Variants in CEACAM6 observed in about 807,000 individuals in gnomAD.
The protein encoded by CEACAM6 is CEA cell adhesion molecule 6, also known as cell adhesion molecule CEACAM6.
CEACAM6 carries 21 observed loss-of-function variants against 32.4 expected under a neutral mutation model. The ratio of observed to expected loss-of-function variants is 0.65; its 90% CI spans 0.46 to 0.93. The LOEUF is 0.93. Ranked by LOEUF, CEACAM6 falls within the 40% of genes least tolerant of loss-of-function variation. The probability of loss-of-function intolerance (pLI) is 0.00; values close to 1 mark genes in which losing one functional copy is unlikely to be tolerated. For missense variants in CEACAM6, 406 were observed against 432.2 expected (o/e 0.94, Z 0.54); for synonymous variants, 184 against 174.4 (o/e 1.06, Z -0.43).
At chr19:41,757,668 A>C (rs1267251815) in intron 2 of CEACAM6, among the ~76,000 whole-genome samples, 2 of 152,178 alleles carry the variant, frequency 1.3e-5, no homozygotes, top group Non-Finnish European at 2.9e-5. Context: ...GGAACAGAGA[A>C]GAGAGGATGC....
At chr19:41,761,919 T>A (rs575373507) in intron 3 of CEACAM6, 50 bp from the exon 4 acceptor site, 11 of 1,603,828 alleles carry the variant, frequency 6.9e-6, no homozygotes, top group Admixed American at 6.7e-5. Context: ...ACCAGGAACT[T>A]ATGCTTCCCT....
chr19:41,760,612 T>C (rs932297417), intron 2 of CEACAM6, among the ~76,000 whole-genome samples: 9 of 152,178 alleles, frequency 5.9e-5, no homozygotes, highest in Non-Finnish European at 1.3e-4. Flanking sequence ...TATCTGTAGG[T>C]GTCACAGGCT....
rs782253878 is a variant in CEACAM6 at position 41,762,014 on chromosome 19, G to T, written c.749G>T (p.Arg250Leu). The T allele has an allele frequency of 5.6e-6, 9 of 1,614,106 alleles. No homozygotes were observed. Among genetic ancestry groups the T allele is most frequent in the Middle Eastern group, 1.6e-4 (1 of 6,062 alleles). The change falls in exon 4 of 6, where the codon CGT becomes CTT. Residue 250 changes from arginine to leucine, a missense_variant. Transcript: ENST00000199764. ...ATTTCCCCCTCAAAGGCCAATTACC[G>T]TCCAGGGGAAAATCTGAACCTCTCC... ...PTISPSKANY[R>L]PGENLNLSCH...
chr19:41,755,844 G>GAAA, intron 1 of CEACAM6, 142 bp downstream of exon 1: 2 of 570,356 alleles, frequency 3.5e-6, no homozygotes, highest in South Asian at 5.4e-5. Flanking sequence ...GAGGGACAGG[G>GAAA]GTCACAACAG....
intron 4 of CEACAM6, among the ~76,000 whole-genome samples, chr19:41,762,749 C>T (rs1372002803): frequency 6.6e-6 from 1 of 152,284 alleles, no homozygotes; most frequent in Admixed American, 6.5e-5. Flanking sequence ...GACTGACTGA[C>T]CCCACCCTGA....
chr19:41,761,541 GT>G lies in CEACAM6; in HGVS notation c.703+16del, dbSNP rs2072924406. ...TGAATGTCCTCTGTGAGTATCTTCT[GT>G]TCCTCTGTGGCCCAGGCTGCCAGCC... On this transcript the variant is annotated intron_variant, in intron 3 of 5. Transcript: ENST00000199764. 1 of 1,612,506 alleles carries G rather than the reference GT, an allele frequency of 6.2e-7. No individual in the cohort carries two copies. The highest frequency in any genetic ancestry group is 1.3e-5 in the African/African-American group (1 of 74,878).
At chr19:41,755,743 C>G in intron 1 of CEACAM6, 41 bp downstream of exon 1, 1 of 1,539,816 alleles carries the variant, frequency 6.5e-7, no homozygotes, top group Non-Finnish European at 8.8e-7. Flanking sequence ...GAGGAGGGAG[C>G]ACAGAGACTG....
intron 5 of CEACAM6, among the ~76,000 whole-genome samples, chr19:41,769,353 T>G (rs2072978288): frequency 6.6e-6 from 1 of 152,212 alleles, no homozygotes. Context: ...CATGTACTCT[T>G]GAATACAAGT....
At chr19:41,756,474 A>G (rs2072885828) in intron 1 of CEACAM6, 126 bp from the exon 2 acceptor site, 1 of 1,387,102 alleles carries the variant, frequency 7.2e-7, no homozygotes, top group Non-Finnish European at 9.5e-7. Flanking sequence ...ACACACACAC[A>G]CACACACACA....
chr19:41,760,868 G>A (rs2072918507), intron 2 of CEACAM6, among the ~76,000 whole-genome samples: 1 of 152,218 alleles, frequency 6.6e-6, no homozygotes. Context: ...GGGGGGCAAA[G>A]TAGGACTAAA....
intron 4 of CEACAM6, 88 bp downstream of exon 4, chr19:41,762,311 C>T: frequency 1.3e-6 from 2 of 1,512,898 alleles, no homozygotes; most frequent in Non-Finnish European, 1.8e-6. Flanking sequence ...TCTTTCCCAA[C>T]CTGTGTCCAA....
rs1169150738 is a variant in CEACAM6, at chr19:41,771,494, G to C, written c.*733G>C. On this transcript the variant is annotated 3_prime_UTR_variant, in exon 6 of 6. Coordinates refer to ENST00000199764, the MANE Select transcript of CEACAM6 (RefSeq NM_002483.7). ...TGGGTATCGCTGAGACTAAGTTGTA[G>C]AAATTAACAAATGTGCTGCTTGGTT... 4.6e-5 allele frequency: 7 copies of C among 152,218 alleles called. No homozygotes were observed. Among genetic ancestry groups the C allele is most frequent in the Non-Finnish European group, 1.0e-4 (7 of 68,032 alleles). The allele number at this position is 152,218 out of a possible 1,614,324, so 9.4% of individuals were successfully genotyped here. A position where few individuals can be genotyped will look rare whatever the true frequency, so the allele number is the denominator to read the frequency against.
chr19:41,766,848 T>A (rs1257938011), intron 5 of CEACAM6, among the ~76,000 whole-genome samples: 1 of 151,468 alleles, frequency 6.6e-6, no homozygotes, highest in Non-Finnish European at 1.5e-5. Context: ...CTAGTAAAAA[T>A]ACAAAAAATT....
At position 41,762,033 on chromosome 19, in the gene CEACAM6, C is replaced by T. The variant is rs1031248313; in HGVS notation, c.768C>T (p.Asn256=). ...KANYRPGENL[N]LSCHAASNPP... ...ATTACCGTCCAGGGGAAAATCTGAA[C>T]CTCTCCTGCCACGCAGCCTCTAACC... is the stretch of plus-strand genomic sequence containing the variant. The change falls in exon 4 of 6, where the codon AAC becomes AAT. Residue 256 remains asparagine (N), a synonymous_variant. Coordinates refer to ENST00000199764, the MANE Select transcript of CEACAM6 (RefSeq NM_002483.7). 1.9e-6 allele frequency: 3 copies of T among 1,614,086 alleles called. No homozygotes were observed. Among genetic ancestry groups the T allele is most frequent in the Admixed American group, 1.7e-5 (1 of 60,006 alleles).
In CEACAM6 at chr19:41,759,563, C is replaced by G. The variant is rs184995904; in HGVS notation, c.425-1686C>G. ...CTCCTAAGAGGACTCATATGCCTCT[C>G]TCTACTCAAGGAGTTGCTAATTTCA... is the stretch of plus-strand genomic sequence containing the variant. On this transcript the variant is annotated intron_variant, in intron 2 of 5. Transcript: ENST00000199764. Among the ~76,000 whole-genome samples, 202 of 152,332 alleles carry G rather than the reference C, an allele frequency of 1.3e-3. 5 individuals are homozygous for G. Among genetic ancestry groups the G allele is most frequent in the Middle Eastern group, 3.4e-3 (1 of 294 alleles).
intron 4 of CEACAM6, among the ~76,000 whole-genome samples, 154 bp downstream of exon 4, chr19:41,762,377 A>G (rs142969161): frequency 1.6e-3 from 238 of 150,066 alleles, no homozygotes; most frequent in Non-Finnish European, 2.6e-3. Flanking sequence ...ACCTCTGCAG[A>G]CTCTTTTCCC....
chr19:41,766,075 G>A (rs2072953807), intron 4 of CEACAM6, 108 bp from the exon 5 acceptor site: 1 of 664,348 alleles, frequency 1.5e-6, no homozygotes, highest in Admixed American at 3.1e-5. Flanking sequence ...CAAAACTAGT[G>A]TATTCCTTGA....
At chr19:41,762,834 G>T (rs190305259) in intron 4 of CEACAM6, among the ~76,000 whole-genome samples, 12 of 152,260 alleles carry the variant, frequency 7.9e-5, no homozygotes, top group African/African-American at 2.9e-4. Flanking sequence ...AAATCAAGAT[G>T]CTAATCAACA....
chr19:41,766,179 C>T lies in CEACAM6; in HGVS notation c.959-4C>T, dbSNP rs782134565. The stretch of plus-strand genomic sequence containing the variant: ...CTTCATTCCTTCTCTCTTCTTCCCA[C>T]AAGGAAGTGCTCCTGTCCTCTCAGC... On this transcript the variant is annotated splice_polypyrimidine_tract_variant and splice_region_variant and intron_variant, in intron 4 of 5. Transcript: ENST00000199764. The T allele has an allele frequency of 1.3e-6, 2 of 1,598,144 alleles. No homozygotes were observed. Among genetic ancestry groups the T allele is most frequent in the Admixed American group, 1.7e-5 (1 of 57,378 alleles).
Sources: gnomAD v4.1 joint callset for allele counts (sites outside exome capture counted in the v4.1 genomes callset) on GRCh38, gnomAD v4.1.1 for gene constraint, MANE v1.5 for transcripts, NCBI Gene and HGNC (gene_info 2026-07-23, HGNC 2026-07-21) for gene names.